Variants in MAP4K2 observed in about 807,000 individuals in gnomAD.
The protein encoded by MAP4K2 is mitogen-activated protein kinase kinase kinase kinase 2, also known as B lymphocyte serine/threonine protein kinase.
MAP4K2 carries 85 observed loss-of-function variants against 125.3 expected under a neutral mutation model. The ratio of observed to expected loss-of-function variants is 0.68; its 90% CI spans 0.57 to 0.81. The LOEUF (loss-of-function observed/expected upper bound fraction) is 0.81. Ranked by LOEUF, MAP4K2 falls within the 40% of genes least tolerant of loss-of-function variation. MAP4K2 has a pLI of 0.00. For missense variants in MAP4K2, 923 were observed against 1,056.4 expected (o/e 0.87, Z 1.75); for synonymous variants, 479 against 445.1 (o/e 1.08, Z -0.96).
At chr11:64,799,532 C>A in intron 13 of MAP4K2, 53 bp from the exon 14 acceptor site, 1 of 1,612,628 alleles carries the variant, frequency 6.2e-7, no homozygotes. Flanking sequence ...GGATGGACCT[C>A]TACTCACACC....
At chr11:64,791,715 C>T (rs988784066) in intron 27 of MAP4K2, among the ~76,000 whole-genome samples, 194 bp downstream of exon 27, 4 of 152,198 alleles carry the variant, frequency 2.6e-5, no homozygotes, top group Admixed American at 6.5e-5. Flanking sequence ...TCTAATGAAC[C>T]CTTTTATGGA....
intron 23 of MAP4K2, 34 bp downstream of exon 23, chr11:64,796,459 C>T (rs746957596): frequency 1.5e-5 from 24 of 1,613,486 alleles, no homozygotes; most frequent in Non-Finnish European, 1.9e-5. Context: ...GGAGCCCCTG[C>T]GGACCCTGCC....
At position 64,802,206 on chromosome 11, in the gene MAP4K2, G is replaced by A. The variant is rs748547812; in HGVS notation, c.311-85C>T. 2.4e-5 allele frequency: 32 copies of A among 1,345,108 alleles called. No individual in the cohort carries two copies. In the Admixed American group the frequency reaches 6.0e-4, roughly 25 times the overall value. 83.3% of individuals were successfully genotyped at this position (1,345,108 alleles called of 1,614,324 possible). A position where few individuals can be genotyped will look rare whatever the true frequency, so the allele number is the denominator to read the frequency against. On this transcript the variant is annotated intron_variant, in intron 4 of 31. Coordinates refer to ENST00000294066, the MANE Select transcript of MAP4K2 (RefSeq NM_004579.5). ...CTACCGTGTGTGGGAAAAGCAGCAG[G>A]CACTGTTAAATGAAAGCGGTGTTGG...
intron 24 of MAP4K2, 51 bp from the exon 25 acceptor site, chr11:64,792,473 G>A: frequency 6.7e-7 from 1 of 1,484,404 alleles, no homozygotes; most frequent in Non-Finnish European, 9.2e-7. Flanking sequence ...CCATGGGCAA[G>A]GCCCCTGCAG....
rs531429814 is a variant in MAP4K2 at position 64,801,001 on chromosome 11, G to C, written c.561C>G (p.Arg187=). The C allele has an allele frequency of 7.4e-6, 12 of 1,613,950 alleles. No homozygotes were observed. The East Asian group carries it at 2.0e-4, about 27-fold the overall frequency. The change falls in exon 9 of 32, where the codon CGC becomes CGG. Residue 187 remains arginine, a synonymous_variant. Coordinates refer to ENST00000294066, the MANE Select transcript of MAP4K2 (RefSeq NM_004579.5). Reference sequence around the variant, plus strand: ...CACATAGCTCATTGTAGCCACCTTTGCGCTCCACAGCAGCCACCTCGGGAG... The same window carrying C: ...CACATAGCTCATTGTAGCCACCTTTCCGCTCCACAGCAGCCACCTCGGGAG... ...WMAPEVAAVE[R]KGGYNELCDV... is the part of the protein sequence containing the mutation.
chr11:64,791,277 A>C (rs1940459934), intron 27 of MAP4K2, among the ~76,000 whole-genome samples: 1 of 152,146 alleles, frequency 6.6e-6, no homozygotes, highest in Non-Finnish European at 1.5e-5. Context: ...CTGCCACAAC[A>C]CCTGGAGTCC....
In MAP4K2 at chr11:64,801,202, A is replaced by G; in HGVS notation, c.458-19T>C. On this transcript the variant is annotated intron_variant, in intron 7 of 31. Transcript: ENST00000294066. Reference sequence around the variant, plus strand: ...AAGTCAGCTGTGGGGAGAAACAGCCACTCTCACCAGCCCTCTGGCTGCCAC... The same window carrying G: ...AAGTCAGCTGTGGGGAGAAACAGCCGCTCTCACCAGCCCTCTGGCTGCCAC... The G allele has an allele frequency of 1.2e-6, 2 of 1,608,876 alleles. No individual in the cohort carries two copies. The highest frequency in any genetic ancestry group is 1.7e-6 in the Non-Finnish European group (2 of 1,178,572).
chr11:64,788,391 G>A lies in MAP4K2; in HGVS notation c.*1146C>T, dbSNP rs569594070. Reference sequence around the variant, plus strand: ...AGCTGCCCAAAGGCTCCAGTCAAGAGCGGCTGATCAGTGCCTGGGGCAAAA... The same window carrying A: ...AGCTGCCCAAAGGCTCCAGTCAAGAACGGCTGATCAGTGCCTGGGGCAAAA... On this transcript the variant is annotated 3_prime_UTR_variant, in exon 32 of 32. Coordinates refer to ENST00000294066, the MANE Select transcript of MAP4K2 (RefSeq NM_004579.5). 1.3e-5 allele frequency: 2 copies of A among 152,180 alleles called. No homozygotes were observed. Among genetic ancestry groups the A allele is most frequent in the African/African-American group, 4.8e-5 (2 of 41,398 alleles). The allele number at this position is 152,180 out of a possible 1,614,324, so 9.4% of individuals were successfully genotyped here.
intron 24 of MAP4K2, among the ~76,000 whole-genome samples, chr11:64,793,672 C>G (rs1940629219): frequency 6.6e-6 from 1 of 152,212 alleles, no homozygotes; most frequent in South Asian, 2.1e-4. Flanking sequence ...CCTCGTCCCT[C>G]CCTCTCCCCA....
In MAP4K2 at chr11:64,799,053, G is replaced by T. The variant is rs566557126; in HGVS notation, c.1054-216C>A. On this transcript the variant is annotated intron_variant, in intron 14 of 31. Coordinates refer to ENST00000294066, the MANE Select transcript of MAP4K2 (RefSeq NM_004579.5). ...CAGCGAGGGAGGAAGAGACAGGCTG[G>T]GGGGTGAGGAGAGACCAGTGACAGA... Among the ~76,000 whole-genome samples, 3 of 152,282 alleles carry T rather than the reference G, an allele frequency of 2.0e-5. No individual in the cohort carries two copies. In the East Asian group the frequency reaches 5.8e-4, roughly 29 times the overall value.
At chr11:64,797,843 C>T (rs971249896) in intron 15 of MAP4K2, among the ~76,000 whole-genome samples, 179 bp from the exon 16 acceptor site, 3 of 150,562 alleles carry the variant, frequency 2.0e-5, no homozygotes, top group Admixed American at 2.0e-4. Context: ...GTAGCTGGGA[C>T]TACAGGCGCC....
chr11:64,799,033 A>C (rs1444880096), intron 14 of MAP4K2, among the ~76,000 whole-genome samples, 196 bp from the exon 15 acceptor site: 1 of 152,222 alleles, frequency 6.6e-6, no homozygotes, highest in African/African-American at 2.4e-5. Flanking sequence ...ACAGACAGCG[A>C]GGGAGGAAGA....
Position 64,796,536 on chromosome 11 carries a change from G to A in MAP4K2, c.1590C>T (p.Cys530=), listed in dbSNP as rs1279301803. ...DTLEKLISHR[C]SWLYCVNNVL... is the part of the protein sequence containing the mutation. Reference sequence around the variant, plus strand: ...CGTTGTTCACGCAGTAGAGCCAGGAGCAGCGATGTGAAATCAGCTGGAGGC... The same window carrying A: ...CGTTGTTCACGCAGTAGAGCCAGGAACAGCGATGTGAAATCAGCTGGAGGC... Residue 530 remains cysteine (C), a synonymous_variant, in exon 23 of 32, where the codon TGC becomes TGT. Transcript: ENST00000294066. 2 of 1,613,934 alleles carry A rather than the reference G, an allele frequency of 1.2e-6. No individual in the cohort carries two copies. Among genetic ancestry groups the A allele is most frequent in the Non-Finnish European group, 1.7e-6 (2 of 1,180,042 alleles).
chr11:64,802,367 G>A, intron 4 of MAP4K2, 52 bp downstream of exon 4: 4 of 1,484,464 alleles, frequency 2.7e-6, no homozygotes, highest in Non-Finnish European at 2.7e-6. Context: ...CCCCAGTGGG[G>A]TAGGGGTGGG....
intron 24 of MAP4K2, among the ~76,000 whole-genome samples, chr11:64,793,481 C>T (rs1940620626): frequency 6.6e-6 from 1 of 152,156 alleles, no homozygotes. Flanking sequence ...TCAGAGGGGC[C>T]GTTGCCTTGG....
Position 64,800,298 on chromosome 11 carries a change from C to A in MAP4K2, c.807+13G>T. ...TGAGTACTGGGCCTCTCTCCCGGCCCCCTGCCTCCCACCTGCAGGAGCTTC... is the reference window on the plus strand; with the variant it reads ...TGAGTACTGGGCCTCTCTCCCGGCCACCTGCCTCCCACCTGCAGGAGCTTC... On this transcript the variant is annotated intron_variant, in intron 11 of 31. Transcript: ENST00000294066. The A allele has an allele frequency of 1.2e-6, 2 of 1,613,882 alleles. No individual in the cohort carries two copies. Among genetic ancestry groups the A allele is most frequent in the Non-Finnish European group, 1.7e-6 (2 of 1,179,992 alleles).
At chr11:64,800,052 T>C in intron 12 of MAP4K2, 57 bp downstream of exon 12, 1 of 1,409,966 alleles carries the variant, frequency 7.1e-7, no homozygotes, top group Non-Finnish European at 9.8e-7. Flanking sequence ...AACATCACCC[T>C]CGGGCTCTTT....
chr11:64,792,523 A>G (rs1940563067), intron 24 of MAP4K2, 101 bp from the exon 25 acceptor site: 1 of 948,248 alleles, frequency 1.1e-6, no homozygotes, highest in African/African-American at 1.6e-5. Context: ...CCTCTTTACA[A>G]GTAAGGGACT....
At chr11:64,798,001 CTTTTT>C (rs761143115) in intron 15 of MAP4K2, among the ~76,000 whole-genome samples, 17 of 127,644 alleles carry the variant, frequency 1.3e-4, no homozygotes, top group Non-Finnish European at 2.2e-4. Flanking sequence ...CACACCCGGG[CTTTTT>C]TTTTTTTTTT....
Sources: allele counts gnomAD v4.1 joint callset (sites outside exome capture counted in the v4.1 genomes callset), GRCh38; gene constraint gnomAD v4.1.1; transcripts MANE v1.5; gene names NCBI Gene and HGNC (gene_info 2026-07-23, HGNC 2026-07-21).